The following SATB2 variants were observed in gnomAD, a reference collection of about 807,000 sequenced individuals.
SATB2 encodes DNA-binding protein SATB2.
In SATB2, 1 loss-of-function variant was observed where a neutral mutation model predicts 73.4. That is an observed-to-expected ratio of 0.01 (90% confidence interval 0.00 to 0.06). The LOEUF is 0.06. SATB2 is among the 10% of genes least tolerant of loss of function. SATB2 has a pLI of 1.00. For missense variants in SATB2, 459 were observed against 945.8 expected (o/e 0.49, Z 6.75); for synonymous variants, 397 against 367.0 (o/e 1.08, Z -0.93).
chr2:199,418,334 T>C (rs556203103), intron 3 of SATB2, among the ~76,000 whole-genome samples: 5 of 152,220 alleles, frequency 3.3e-5, no homozygotes, highest in African/African-American at 9.6e-5. Flanking sequence ...AACCAGATTG[T>C]AAAAGACACA....
chr2:199,380,303 CT>C (rs1452890010), intron 5 of SATB2, 60 bp downstream of exon 5: 3 of 1,604,376 alleles, frequency 1.9e-6, no homozygotes, highest in Non-Finnish European at 2.6e-6. Context: ...AAGGAACCCC[CT>C]GATAGAGAGT....
chr2:199,283,306 G>A (rs1214076443), intron 10 of SATB2, among the ~76,000 whole-genome samples: 2 of 148,434 alleles, frequency 1.3e-5, no homozygotes, highest in African/African-American at 2.5e-5. Context: ...TAGCCAGGAC[G>A]GTCTCTATCT....
upstream of SATB2, chr2:199,458,345 G>A (rs143246980): frequency 0.013 from 3,426 of 271,396 alleles, 42 homozygotes; most frequent in Middle Eastern, 0.022. Flanking sequence ...GGCGAGGGGC[G>A]GGTGGGAGGC....
chr2:199,446,343 T>G (rs1243756015), intron 2 of SATB2, among the ~76,000 whole-genome samples: 1 of 152,258 alleles, frequency 6.6e-6, no homozygotes, highest in Non-Finnish European at 1.5e-5. Context: ...AGCACTATTT[T>G]GCAATGTGAA....
chr2:199,331,112 A>G (rs923604493), intron 7 of SATB2, among the ~76,000 whole-genome samples: 1 of 152,166 alleles, frequency 6.6e-6, no homozygotes, highest in Non-Finnish European at 1.5e-5. Flanking sequence ...AAATAGTGAC[A>G]TAACAAAACT....
At position 199,272,125 on chromosome 2, in the gene SATB2, A is replaced by T; in HGVS notation, c.*86T>A. 7.2e-7 allele frequency: 1 copy of T among 1,397,856 alleles called. No individual in the cohort carries two copies. Among genetic ancestry groups the T allele is most frequent in the Non-Finnish European group, 1.0e-6 (1 of 994,100 alleles). 86.6% of individuals were successfully genotyped at this position (1,397,856 alleles called of 1,614,324 possible). On this transcript the variant is annotated 3_prime_UTR_variant, in exon 11 of 11. Coordinates refer to ENST00000417098, the MANE Select transcript of SATB2 (RefSeq NM_001172509.2). This position sits in a 1 kb window ranked among gnomAD's most constrained non-coding sequence, Gnocchi z 6.7. The stretch of plus-strand genomic sequence containing the variant: ...CCAAAAAAACCCAAAAACAAAAACA[A>T]AAAACAAACTAACAAAAAACTTTTA...
At chr2:199,293,675 T>C (rs939011212) in intron 10 of SATB2, among the ~76,000 whole-genome samples, 2 of 152,166 alleles carry the variant, frequency 1.3e-5, no homozygotes. Context: ...ACCCATGATA[T>C]GCTACAAGGG....
chr2:199,348,513 A>G, intron 7 of SATB2, 188 bp downstream of exon 7: 1 of 633,542 alleles, frequency 1.6e-6, no homozygotes, highest in Non-Finnish European at 2.8e-6. Flanking sequence ...AAATTAATCA[A>G]TTAGTTAATT....
At chr2:199,275,615 A>G (rs955543936) in intron 10 of SATB2, among the ~76,000 whole-genome samples, 1 of 152,200 alleles carries the variant, frequency 6.6e-6, no homozygotes, top group African/African-American at 2.4e-5. Context: ...GGGGACAATG[A>G]CAAGGCAACT....
chr2:199,430,315 G>A (rs1281218003), intron 3 of SATB2, among the ~76,000 whole-genome samples: 2 of 152,222 alleles, frequency 1.3e-5, no homozygotes, highest in African/African-American at 2.4e-5. Flanking sequence ...ATGCAGAGAC[G>A]TGTACTCACG....
At chr2:199,304,425 T>G (rs1687373634) in intron 10 of SATB2, among the ~76,000 whole-genome samples, 1 of 152,196 alleles carries the variant, frequency 6.6e-6, no homozygotes, top group African/African-American at 2.4e-5. Flanking sequence ...ACACACAGAC[T>G]AGAAACATTA....
intron 6 of SATB2, among the ~76,000 whole-genome samples, chr2:199,358,623 T>C (rs945617845): frequency 1.3e-5 from 2 of 152,188 alleles, no homozygotes; most frequent in Admixed American, 6.5e-5. Flanking sequence ...TAACTCCTAA[T>C]AAAACAGCCC....
intron 7 of SATB2, among the ~76,000 whole-genome samples, chr2:199,346,040 G>C (rs545532029): frequency 6.6e-6 from 1 of 152,228 alleles, no homozygotes; most frequent in African/African-American, 2.4e-5. Context: ...ACCAAAAAGA[G>C]TAGTTTTTCC....
intron 3 of SATB2, 71 bp from the exon 4 acceptor site, chr2:199,381,891 G>T: frequency 1.2e-5 from 18 of 1,538,034 alleles, no homozygotes; most frequent in Non-Finnish European, 1.5e-5. Flanking sequence ...TTTGTTCAAT[G>T]TTAAGAAGGT....
At chr2:199,306,193 A>T (rs1333526267) in intron 10 of SATB2, among the ~76,000 whole-genome samples, 1 of 152,202 alleles carries the variant, frequency 6.6e-6, no homozygotes, top group Admixed American at 6.5e-5. Context: ...CCCAAGTCAC[A>T]GAGGCTGTGC....
At chr2:199,386,706 G>GCA (rs1689957785) in intron 3 of SATB2, among the ~76,000 whole-genome samples, 1 of 95,920 alleles carries the variant, frequency 1.0e-5, no homozygotes, top group African/African-American at 4.0e-5. Context: ...GCGCGCGCGC[G>GCA]CGCGCGCGCG....
chr2:199,380,310 A>T, intron 5 of SATB2, 54 bp downstream of exon 5: 1 of 1,610,200 alleles, frequency 6.2e-7, no homozygotes, highest in Non-Finnish European at 8.5e-7. Context: ...CCCCTGATAG[A>T]GAGTCTACCA....
At chr2:199,298,186 T>A (rs894837938) in intron 10 of SATB2, among the ~76,000 whole-genome samples, 1 of 152,208 alleles carries the variant, frequency 6.6e-6, no homozygotes, top group African/African-American at 2.4e-5. Flanking sequence ...GTGCCTTCTA[T>A]GCAATCACCA....
At chr2:199,423,757 T>G (rs1359890980) in intron 3 of SATB2, 1 of 152,136 alleles carries the variant, frequency 6.6e-6, no homozygotes, top group Non-Finnish European at 1.5e-5. Flanking sequence ...GGGCTTTCAA[T>G]CAAGAACAGG....
Sources: allele counts gnomAD v4.1 joint callset (sites outside exome capture counted in the v4.1 genomes callset), GRCh38; gene constraint gnomAD v4.1.1; non-coding constraint Gnocchi (gnomAD v3.1); transcripts MANE v1.5; gene names NCBI Gene and HGNC (gene_info 2026-07-23, HGNC 2026-07-21).